HTR3B: variants seen among roughly 807,000 people sequenced by gnomAD.
The protein encoded by HTR3B is 5-hydroxytryptamine (serotonin) receptor 3B, ionotropic.
In HTR3B, 44 loss-of-function variants were observed where a neutral mutation model predicts 42.8. The observed-to-expected ratio is 1.03, with a 90% CI of 0.81 to 1.32. The LOEUF (loss-of-function observed/expected upper bound fraction) is 1.32, where lower values mean the gene tolerates loss of function less well. HTR3B is among the 40% of genes most tolerant of loss of function. The probability of loss-of-function intolerance (pLI) is 0.00; values close to 1 mark genes in which losing one functional copy is unlikely to be tolerated. For synonymous variants in HTR3B, 203 were observed against 209.0 expected (o/e 0.97, Z 0.25); for missense variants, 527 against 536.5 (o/e 0.98, Z 0.17).
Position 113,922,369 on chromosome 11 carries a change from T to A in HTR3B, c.214-9015T>A, listed in dbSNP as rs568325931. ...CCACCTCAGCCTCCCAAGTAGCTGG[T>A]ACTATAGGTGTATACCACCATATCG... On this transcript the variant is annotated intron_variant, in intron 2 of 8. Transcript: ENST00000260191. Among the ~76,000 whole-genome samples, 22 of 151,536 alleles carry A rather than the reference T, an allele frequency of 1.5e-4. No individual in the cohort carries two copies. The East Asian group carries it at 3.7e-3, about 25-fold the overall frequency.
At position 113,946,168 on chromosome 11, in the gene HTR3B, G is replaced by A; in HGVS notation, c.*31G>A. The A allele has an allele frequency of 2.6e-6, 4 of 1,524,980 alleles. No homozygotes were observed. Among genetic ancestry groups the A allele is most frequent in the Non-Finnish European group, 3.6e-6 (4 of 1,101,322 alleles). The allele number at this position is 1,524,980 out of a possible 1,614,324, so 94.5% of individuals were successfully genotyped here. A position where few individuals can be genotyped will look rare whatever the true frequency, so the allele number is the denominator to read the frequency against. On this transcript the variant is annotated 3_prime_UTR_variant, in exon 9 of 9. Transcript: ENST00000260191. Reference sequence around the variant, plus strand: ...GAAGTGTTCTTCAGTAATTGTGCTGGCACTTAGGAGAGAGAGGAGGGGGAA... The same window carrying A: ...GAAGTGTTCTTCAGTAATTGTGCTGACACTTAGGAGAGAGAGGAGGGGGAA...
intron 2 of HTR3B, among the ~76,000 whole-genome samples, chr11:113,916,258 G>T (rs374977932): frequency 6.6e-6 from 1 of 152,026 alleles, no homozygotes; most frequent in Non-Finnish European, 1.5e-5. Flanking sequence ...TTTGCCAATT[G>T]CCAACTGTAT....
intron 2 of HTR3B, among the ~76,000 whole-genome samples, chr11:113,925,989 A>G (rs1307458801): frequency 6.6e-6 from 1 of 152,158 alleles, no homozygotes; most frequent in Non-Finnish European, 1.5e-5. Flanking sequence ...TATCACCTCA[A>G]AAAGAAGCCC....
chr11:113,931,573 G>C, intron 3 of HTR3B, 145 bp downstream of exon 3: 1 of 692,040 alleles, frequency 1.4e-6, no homozygotes, highest in Non-Finnish European at 2.4e-6. Context: ...ATTCATTTAA[G>C]ATGTATGGCC....
intron 6 of HTR3B, among the ~76,000 whole-genome samples, chr11:113,936,545 A>C (rs1348088585): frequency 6.6e-6 from 1 of 152,160 alleles, no homozygotes; most frequent in Non-Finnish European, 1.5e-5. Context: ...AGCAGATCAT[A>C]TGAGAGAGAG....
intron 2 of HTR3B, among the ~76,000 whole-genome samples, chr11:113,916,906 G>A (rs1200085384): frequency 4.6e-5 from 7 of 151,856 alleles, no homozygotes; most frequent in Admixed American, 4.6e-4. Flanking sequence ...TTTCTTTTTC[G>A]CTTAAGAGGC....
intron 5 of HTR3B, 75 bp from the exon 6 acceptor site, chr11:113,932,861 T>C: frequency 5.4e-6 from 8 of 1,483,916 alleles, no homozygotes; most frequent in Non-Finnish European, 7.4e-6. Flanking sequence ...AGGATTCGAA[T>C]TGGGAGCTGG....
chr11:113,937,599 A>C (rs1174224892), intron 6 of HTR3B, among the ~76,000 whole-genome samples: 1 of 152,192 alleles, frequency 6.6e-6, no homozygotes, highest in South Asian at 2.1e-4. Flanking sequence ...GCATTTTTAC[A>C]AATAAATGAA....
chr11:113,914,486 A>G (rs1376585906), intron 2 of HTR3B, among the ~76,000 whole-genome samples: 3 of 151,592 alleles, frequency 2.0e-5, no homozygotes, highest in Non-Finnish European at 4.4e-5. Flanking sequence ...ATTAAATTAA[A>G]TTAATTTTGT....
In HTR3B at chr11:113,932,935, G is replaced by C; in HGVS notation, c.539-1G>C. ...AAGTCAATTGTTTGTGTTGTTTGCA[G>C]TGGAAGACGTAGACCTGGCCTTTCT... On this transcript the variant is annotated splice_acceptor_variant, in intron 5 of 8. Transcript: ENST00000260191. LOFTEE classifies it high-confidence loss of function. 1.2e-6 allele frequency: 2 copies of C among 1,613,482 alleles called. No homozygotes were observed. Among genetic ancestry groups the C allele is most frequent in the Non-Finnish European group, 1.7e-6 (2 of 1,179,784 alleles).
At chr11:113,917,086 A>T (rs541210863) in intron 2 of HTR3B, among the ~76,000 whole-genome samples, 1 of 151,712 alleles carries the variant, frequency 6.6e-6, no homozygotes, top group African/African-American at 2.4e-5. Flanking sequence ...ATACTGCTCT[A>T]TAAATATTAA....
chr11:113,944,655 G>A lies in HTR3B; in HGVS notation c.990G>A (p.Glu330=). ...SIVLVKFLHD[E]QRGGQEQPFL... ...TGTTGGTCAAATTCCTCCATGATGA[G>A]CAGCGTGGTGGACAGGAGCAGCCCT... is the stretch of plus-strand genomic sequence containing the variant. The change falls in exon 8 of 9, where the codon GAG becomes GAA. Residue 330 remains glutamate (E), a synonymous_variant. Transcript: ENST00000260191. 6.2e-7 allele frequency: 1 copy of A among 1,614,162 alleles called. No homozygotes were observed.
rs1950186069 is a variant in HTR3B, at chr11:113,947,037, A to G, written c.*900A>G. ...TTGTTACCACTTCCCAGCTAAGTCCACTGCCTCCACCCTCTTCCTGTGCCC... is the reference window on the plus strand; with the variant it reads ...TTGTTACCACTTCCCAGCTAAGTCCGCTGCCTCCACCCTCTTCCTGTGCCC... On this transcript the variant is annotated 3_prime_UTR_variant, in exon 9 of 9. Transcript: ENST00000260191. 6.6e-6 allele frequency among the ~76,000 whole-genome samples: 1 copy of G among 151,764 alleles called. No homozygotes were observed. The highest frequency in any genetic ancestry group is 2.4e-5 in the African/African-American group (1 of 41,284).
At chr11:113,911,539 T>C (rs1949793364) in intron 2 of HTR3B, among the ~76,000 whole-genome samples, 1 of 151,264 alleles carries the variant, frequency 6.6e-6, no homozygotes, top group African/African-American at 2.4e-5. Context: ...TATTTATTTA[T>C]TTTTTGAGAT....
At chr11:113,944,539 G>A in intron 7 of HTR3B, 34 bp from the exon 8 acceptor site, 1 of 1,600,814 alleles carries the variant, frequency 6.2e-7, no homozygotes, top group Non-Finnish European at 8.5e-7. Context: ...ATTTCAGACT[G>A]GAGGCTAACT....
intron 2 of HTR3B, among the ~76,000 whole-genome samples, chr11:113,920,688 A>ATCCTAT (rs1949903737): frequency 6.6e-6 from 1 of 151,994 alleles, no homozygotes; most frequent in Admixed American, 6.6e-5. Context: ...TTCCCCAATT[A>ATCCTAT]TCCTATTAAG....
chr11:113,903,316 T>A (rs1949708433), upstream of HTR3B, among the ~76,000 whole-genome samples: 1 of 152,152 alleles, frequency 6.6e-6, no homozygotes. Context: ...GGTGTGCTTG[T>A]TACTATTGGG....
chr11:113,907,134 T>C lies in HTR3B; in HGVS notation c.52+2149T>C, dbSNP rs147198243. The stretch of plus-strand genomic sequence containing the variant: ...TTATCTTCCTCCTTTTCAATCTCTC[T>C]TCACCTGCAAGTGCTTCATAGCTCA... On this transcript the variant is annotated intron_variant, in intron 1 of 8. Transcript: ENST00000260191. Among the ~76,000 whole-genome samples the C allele has an allele frequency of 4.0e-4, 61 of 152,330 alleles. 1 individual carries two copies. The East Asian group carries it at 0.012, about 29-fold the overall frequency.
At chr11:113,916,297 T>C (rs1479437169) in intron 2 of HTR3B, among the ~76,000 whole-genome samples, 1 of 152,212 alleles carries the variant, frequency 6.6e-6, no homozygotes, top group Non-Finnish European at 1.5e-5. Context: ...TCTGCTCAAA[T>C]CTTTTATTTA....
Sources: gnomAD v4.1 joint callset for allele counts (sites outside exome capture counted in the v4.1 genomes callset) on GRCh38, gnomAD v4.1.1 for gene constraint, MANE v1.5 for transcripts, NCBI Gene and HGNC (gene_info 2026-07-23, HGNC 2026-07-21) for gene names.